The following IFFO2 variants were observed in gnomAD, a reference collection of about 807,000 sequenced individuals.
The protein encoded by IFFO2 is intermediate filament family orphan 2.
In IFFO2, 19 loss-of-function variants were observed where a neutral mutation model predicts 53.5. The ratio of observed to expected loss-of-function variants is 0.36; its 90% CI spans 0.25 to 0.52. The LOEUF is 0.52. IFFO2 is among the 20% of genes least tolerant of loss of function. The pLI, the probability that IFFO2 is intolerant of heterozygous loss-of-function variation, is 0.94. For missense variants in IFFO2, 570 were observed against 727.4 expected (o/e 0.78, Z 2.49); for synonymous variants, 303 against 313.6 (o/e 0.97, Z 0.36).
chr1:18,934,062 T>C (rs1396975853), intron 1 of IFFO2, among the ~76,000 whole-genome samples: 1 of 112,320 alleles, frequency 8.9e-6, no homozygotes, highest in East Asian at 2.4e-4. Flanking sequence ...TATTTCTTTT[T>C]TTTTTTTTTT....
chr1:18,939,826 C>T (rs60849864), intron 1 of IFFO2, among the ~76,000 whole-genome samples: 2,237 of 152,204 alleles, frequency 0.015, 49 homozygotes, highest in East Asian at 0.11. Context: ...GAAGCACTTC[C>T]CAATGGAAAA....
At chr1:18,952,213 G>C (rs978082010) in intron 1 of IFFO2, among the ~76,000 whole-genome samples, 10 of 152,110 alleles carry the variant, frequency 6.6e-5, no homozygotes, top group Non-Finnish European at 4.4e-5. Flanking sequence ...TGTTTGTTTT[G>C]GTTTCCAAAT....
chr1:18,948,864 C>T (rs978785539), intron 1 of IFFO2, among the ~76,000 whole-genome samples: 1 of 152,238 alleles, frequency 6.6e-6, no homozygotes, highest in Non-Finnish European at 1.5e-5. Flanking sequence ...CTGAACTTGA[C>T]TGTTTACACG....
At chr1:18,927,027 C>T (rs1026541387) in intron 1 of IFFO2, among the ~76,000 whole-genome samples, 3 of 152,180 alleles carry the variant, frequency 2.0e-5, no homozygotes, top group African/African-American at 4.8e-5. Context: ...TTCCCAGTTG[C>T]GTGATCTTGA....
intron 5 of IFFO2, among the ~76,000 whole-genome samples, chr1:18,915,172 G>C (rs1160575856): frequency 2.0e-5 from 3 of 152,082 alleles, no homozygotes; most frequent in Admixed American, 6.5e-5. Context: ...GCCCCTCTGA[G>C]TCCATTCTCT....
At chr1:18,922,436 G>A (rs1047377356) in intron 1 of IFFO2, among the ~76,000 whole-genome samples, 12 of 152,194 alleles carry the variant, frequency 7.9e-5, no homozygotes, top group South Asian at 2.1e-4. Context: ...CCAGAGGGGA[G>A]GGAGGGGTGG....
At chr1:18,943,178 GC>G (rs1271683975) in intron 1 of IFFO2, among the ~76,000 whole-genome samples, 1 of 151,954 alleles carries the variant, frequency 6.6e-6, no homozygotes, top group Non-Finnish European at 1.5e-5. Flanking sequence ...ACCAGCCCCG[GC>G]AACATAGCGA....
rs961774287 is a variant in IFFO2 at position 18,928,964 on chromosome 1, G to A, written c.666-7843C>T. Among the ~76,000 whole-genome samples the A allele has an allele frequency of 2.6e-5, 4 of 152,198 alleles. No homozygotes were observed. In the East Asian group the frequency reaches 5.8e-4, roughly 22 times the overall value. ...AGCCTGCACTCAACAGCAGACACCCGCTGGGTGCCCTCTCCCAGAAGAAGC... is the reference window on the plus strand; with the variant it reads ...AGCCTGCACTCAACAGCAGACACCCACTGGGTGCCCTCTCCCAGAAGAAGC... On this transcript the variant is annotated intron_variant, in intron 1 of 8. Transcript: ENST00000455833. This position sits in a 1 kb window ranked among gnomAD's most constrained non-coding sequence, Gnocchi z 4.9.
Position 18,947,663 on chromosome 1 carries a change from C to G in IFFO2, c.665+8005G>C, listed in dbSNP as rs1342693206. 1.3e-5 allele frequency among the ~76,000 whole-genome samples: 2 copies of G among 152,218 alleles called. No homozygotes were observed. The highest frequency in any genetic ancestry group is 2.9e-5 in the Non-Finnish European group (2 of 68,038). On this transcript the variant is annotated intron_variant, in intron 1 of 8. Coordinates refer to ENST00000455833, the MANE Select transcript of IFFO2 (RefSeq NM_001136265.2). The surrounding 1 kb of genome is among the most constrained non-coding windows in gnomAD (Gnocchi z 5.0). ...TTCCCCAACTCCTCCCCTGCCAGCC[C>G]TGCCAGCCCCCATTGAGACCTTCTC...
intron 1 of IFFO2, among the ~76,000 whole-genome samples, chr1:18,931,252 C>T (rs1023984581): frequency 1.3e-5 from 2 of 152,158 alleles, no homozygotes; most frequent in Non-Finnish European, 2.9e-5. Flanking sequence ...TGGCAGTGCC[C>T]TCCTCCCACT....
In IFFO2 at chr1:18,918,201, G is replaced by A. The variant is rs534344690; in HGVS notation, c.963+161C>T. Reference sequence around the variant, plus strand: ...TGAGTCCACGGGTGCCTGATTCTACGTTTTCCTGGGGAGGCCACAGGGTCA... The same window carrying A: ...TGAGTCCACGGGTGCCTGATTCTACATTTTCCTGGGGAGGCCACAGGGTCA... On this transcript the variant is annotated intron_variant, in intron 4 of 8. Coordinates refer to ENST00000455833, the MANE Select transcript of IFFO2 (RefSeq NM_001136265.2). This position sits in a 1 kb window ranked among gnomAD's most constrained non-coding sequence, Gnocchi z 5.2. Among the ~76,000 whole-genome samples the A allele has an allele frequency of 1.4e-4, 21 of 152,244 alleles. No homozygotes were observed. Among genetic ancestry groups the A allele is most frequent in the African/African-American group, 3.4e-4 (14 of 41,540 alleles).
intron 7 of IFFO2, 78 bp from the exon 8 acceptor site, chr1:18,910,550 A>T: frequency 2.6e-6 from 4 of 1,518,056 alleles, no homozygotes; most frequent in Non-Finnish European, 3.6e-6. Flanking sequence ...CTCCTCCTGG[A>T]TTCCTCAGGG....
At chr1:18,948,817 T>C (rs1428926885) in intron 1 of IFFO2, among the ~76,000 whole-genome samples, 2 of 152,232 alleles carry the variant, frequency 1.3e-5, no homozygotes, top group Non-Finnish European at 2.9e-5. Context: ...CAGATCTGCC[T>C]CTGTAGGGCA....
At chr1:18,955,536 T>A in intron 1 of IFFO2, 132 bp downstream of exon 1, 1 of 1,328,084 alleles carries the variant, frequency 7.5e-7, no homozygotes, top group Admixed American at 3.0e-5. Flanking sequence ...CGTAAGACGC[T>A]CTGCAAACAC....
At chr1:18,914,644 C>T (rs1486990587) in intron 5 of IFFO2, among the ~76,000 whole-genome samples, 1 of 151,594 alleles carries the variant, frequency 6.6e-6, no homozygotes, top group Non-Finnish European at 1.5e-5. Context: ...CGGTAAAACC[C>T]AGTCTCTACT....
chr1:18,945,371 G>A lies in IFFO2; in HGVS notation c.665+10297C>T, dbSNP rs75287661. On this transcript the variant is annotated intron_variant, in intron 1 of 8. Transcript: ENST00000455833. Reference sequence around the variant, plus strand: ...CCAGGAGCAAAACGGGGGTGCCAACGGGCCCTGGGAAGATGGGCTGACCCT... The same window carrying A: ...CCAGGAGCAAAACGGGGGTGCCAACAGGCCCTGGGAAGATGGGCTGACCCT... Among the ~76,000 whole-genome samples, 883 of 152,268 alleles carry A rather than the reference G, an allele frequency of 5.8e-3. 13 individuals carry two copies. The highest frequency in any genetic ancestry group is 0.02 in the African/African-American group (833 of 41,528).
chr1:18,952,653 G>C (rs909364961), intron 1 of IFFO2, among the ~76,000 whole-genome samples: 7 of 152,176 alleles, frequency 4.6e-5, no homozygotes, highest in African/African-American at 1.7e-4. Context: ...TCCGGAAAAG[G>C]CTAGTTTCTA....
chr1:18,946,409 C>CTTTTTTT (rs71577809), intron 1 of IFFO2, among the ~76,000 whole-genome samples: 15 of 96,500 alleles, frequency 1.6e-4, no homozygotes, highest in South Asian at 3.6e-4. Context: ...TTGCCACTTT[C>CTTTTTTT]TTTTTTTTTT....
chr1:18,910,580 C>T (rs1936021951), intron 7 of IFFO2, 108 bp from the exon 8 acceptor site: 7 of 1,258,950 alleles, frequency 5.6e-6, no homozygotes, highest in Non-Finnish European at 7.8e-6. Flanking sequence ...TCAAGGCCAC[C>T]ATTGGACACC....
Sources: gnomAD v4.1 joint callset for allele counts (sites outside exome capture counted in the v4.1 genomes callset) on GRCh38, gnomAD v4.1.1 for gene constraint, Gnocchi (gnomAD v3.1) non-coding constraint, MANE v1.5 for transcripts, NCBI Gene and HGNC (gene_info 2026-07-23, HGNC 2026-07-21) for gene names.